NACC2: variants seen among roughly 807,000 people sequenced by gnomAD.
NACC2 encodes the protein nucleus accumbens-associated protein 2.
Under a neutral mutation model 25.1 loss-of-function variants are expected in NACC2, and 8 were observed. The observed-to-expected ratio is 0.32, with a 90% CI of 0.19 to 0.57. NACC2 has a LOEUF of 0.57. NACC2 is among the 20% of genes least tolerant of loss of function. The pLI is 0.89. For missense variants in NACC2, 644 were observed against 650.2 expected, an observed-to-expected ratio of 0.99 and a Z score of 0.10; for synonymous variants, 435 against 294.7, an observed-to-expected ratio of 1.48 and a Z score of -4.88.
At chr9:136,017,791 C>T (rs1263113551) in intron 2 of NACC2, among the ~76,000 whole-genome samples, 2 of 131,638 alleles carry the variant, frequency 1.5e-5, no homozygotes, top group African/African-American at 6.3e-5. Flanking sequence ...CCTGCCCAGT[C>T]AGCTGCCTTC....
intron 5 of NACC2, 46 bp from the exon 6 acceptor site, chr9:136,012,070 G>A: frequency 4.1e-6 from 6 of 1,467,852 alleles, no homozygotes; most frequent in Non-Finnish European, 5.4e-6. Context: ...CCTGCCGGGA[G>A]GCCCGCCCCT....
chr9:136,053,651 G>C (rs897074973), intron 1 of NACC2, among the ~76,000 whole-genome samples: 155 of 152,296 alleles, frequency 1.0e-3, no homozygotes, highest in Non-Finnish European at 1.3e-3. Flanking sequence ...ACAGCACAGA[G>C]GGCAGAGGCC....
chr9:136,031,765 A>G (rs946662835), intron 2 of NACC2, among the ~76,000 whole-genome samples: 2 of 152,240 alleles, frequency 1.3e-5, no homozygotes, highest in African/African-American at 4.8e-5. Context: ...TAAAGAAAAT[A>G]TTAGCAAATA....
intron 1 of NACC2, among the ~76,000 whole-genome samples, chr9:136,061,236 G>C (rs541284176): frequency 5.1e-4 from 78 of 152,308 alleles, no homozygotes; most frequent in African/African-American, 1.9e-3. Flanking sequence ...GACAGGCCAG[G>C]ACTCCTGACA....
Position 136,013,712 on chromosome 9 carries a change from C to T in NACC2, c.1157+152G>A. The T allele has an allele frequency of 1.5e-6, 1 of 655,220 alleles. No individual in the cohort carries two copies. The highest frequency in any genetic ancestry group is 2.6e-6 in the Non-Finnish European group (1 of 390,996). 40.6% of individuals were successfully genotyped at this position (655,220 alleles called of 1,614,324 possible). ...CTCCCTCCCTCCCTGGGAGCCTCTCCACCGTCCTGGGGCCGACCGGCCACG... is the reference window on the plus strand; with the variant it reads ...CTCCCTCCCTCCCTGGGAGCCTCTCTACCGTCCTGGGGCCGACCGGCCACG... On this transcript the variant is annotated intron_variant, in intron 4 of 5. Transcript: ENST00000277554. This position sits in a 1 kb window ranked among gnomAD's most constrained non-coding sequence, Gnocchi z 6.6.
chr9:136,029,222 A>T (rs1840438765), intron 2 of NACC2, among the ~76,000 whole-genome samples: 1 of 152,174 alleles, frequency 6.6e-6, no homozygotes. Context: ...TGAAGGCCAT[A>T]AAAACCCCAG....
At position 136,050,025 on chromosome 9, in the gene NACC2, G is replaced by C; in HGVS notation, c.497C>G (p.Pro166Arg). The change falls in exon 2 of 6, where the codon CCC (proline) becomes CGC (arginine). Residue 166 changes from proline to arginine, a missense_variant. By Grantham distance (103) the Pro-to-Arg change is moderately radical. Transcript: ENST00000277554. ...AAPYVVSPSVPIPLLTRVKHE... is the reference protein window; with the variant it reads ...AAPYVVSPSVRIPLLTRVKHE... ...CTTTACTCGGGTCAGCAGCGGGATG[G>C]GCACCGAGGGGGACACGACGTAGGG... 1 of 697,926 alleles carries C rather than the reference G, an allele frequency of 1.4e-6. No individual in the cohort carries two copies. Among genetic ancestry groups the C allele is most frequent in the Non-Finnish European group, 2.6e-6 (1 of 383,730 alleles). 43.2% of individuals were successfully genotyped at this position (697,926 alleles called of 1,614,324 possible). A position where few individuals can be genotyped will look rare whatever the true frequency, so the allele number is the denominator to read the frequency against.
intron 1 of NACC2, among the ~76,000 whole-genome samples, chr9:136,087,431 T>A (rs987972891): frequency 6.6e-6 from 1 of 152,182 alleles, no homozygotes; most frequent in Non-Finnish European, 1.5e-5. Context: ...CCTGCCCTCC[T>A]GGAGCTGGCA....
In NACC2 at chr9:136,020,801, T is replaced by TG. The variant is rs1343315215; in HGVS notation, c.887-4373dup. On this transcript the variant is annotated intron_variant, in intron 2 of 5. Coordinates refer to ENST00000277554, the MANE Select transcript of NACC2 (RefSeq NM_144653.5). The surrounding 1 kb of genome is among the most constrained non-coding windows in gnomAD (Gnocchi z 4.7). ...ACCCACAGACAGACCCACATGGCCA[T>TG]GCTCGATTGGCTTTTGACAAAGGTG... 1.3e-5 allele frequency among the ~76,000 whole-genome samples: 2 copies of TG among 152,108 alleles called. No homozygotes were observed. Among genetic ancestry groups the TG allele is most frequent in the African/African-American group, 4.8e-5 (2 of 41,408 alleles).
intron 2 of NACC2, among the ~76,000 whole-genome samples, chr9:136,045,753 C>T (rs1434533623): frequency 6.6e-6 from 1 of 152,296 alleles, no homozygotes; most frequent in South Asian, 2.1e-4. Flanking sequence ...ATGAAATAAC[C>T]GTCAGGGCCC....
At chr9:136,057,021 C>T (rs1207161354) in intron 1 of NACC2, among the ~76,000 whole-genome samples, 3 of 152,178 alleles carry the variant, frequency 2.0e-5, no homozygotes, top group Admixed American at 2.0e-4. Context: ...CCCCCAGCCC[C>T]CACCCCCAGG....
intron 2 of NACC2, among the ~76,000 whole-genome samples, chr9:136,042,340 C>G (rs1157331946): frequency 6.6e-6 from 1 of 152,158 alleles, no homozygotes; most frequent in East Asian, 1.9e-4. Context: ...AACCTGACTT[C>G]AAGAATTAAA....
At chr9:136,034,330 G>A (rs1183388459) in intron 2 of NACC2, among the ~76,000 whole-genome samples, 1 of 152,124 alleles carries the variant, frequency 6.6e-6, no homozygotes, top group African/African-American at 2.4e-5. Context: ...ATAACAAATC[G>A]TAAGAGAGTC....
intron 1 of NACC2, among the ~76,000 whole-genome samples, chr9:136,053,205 C>T (rs916471416): frequency 3.9e-5 from 6 of 152,212 alleles, no homozygotes; most frequent in Non-Finnish European, 8.8e-5. Flanking sequence ...CTGAGGCATC[C>T]GGAGACCAGA....
At chr9:136,078,904 T>C (rs2131183945) in intron 1 of NACC2, among the ~76,000 whole-genome samples, 1 of 152,284 alleles carries the variant, frequency 6.6e-6, no homozygotes, top group African/African-American at 2.4e-5. Context: ...CAAGGCAAAC[T>C]CAGGAGCACA....
intron 1 of NACC2, among the ~76,000 whole-genome samples, chr9:136,074,461 A>AG (rs1410797621): frequency 1.2e-3 from 164 of 140,850 alleles, no homozygotes; most frequent in East Asian, 5.8e-3. Flanking sequence ...TCAAAAAAAA[A>AG]AAGAAAAAAG....
intron 2 of NACC2, among the ~76,000 whole-genome samples, chr9:136,024,209 T>C (rs1464335083): frequency 9.1e-6 from 1 of 110,222 alleles, no homozygotes; most frequent in Non-Finnish European, 1.9e-5. Context: ...GAGGACAGAG[T>C]GTGTGTGTGT....
intron 2 of NACC2, among the ~76,000 whole-genome samples, chr9:136,036,165 G>A (rs1017425191): frequency 6.6e-6 from 1 of 152,202 alleles, no homozygotes; most frequent in Non-Finnish European, 1.5e-5. Flanking sequence ...ACTCTGCGAA[G>A]AAGTGGGGCA....
chr9:136,041,867 G>A (rs1201828417), intron 2 of NACC2, among the ~76,000 whole-genome samples: 2 of 152,184 alleles, frequency 1.3e-5, no homozygotes, highest in African/African-American at 4.8e-5. Flanking sequence ...TGGATTAGAA[G>A]CCTCAATATT....
Sources: allele counts gnomAD v4.1 joint callset (sites outside exome capture counted in the v4.1 genomes callset), GRCh38; gene constraint gnomAD v4.1.1; non-coding constraint Gnocchi (gnomAD v3.1); transcripts MANE v1.5; gene names NCBI Gene and HGNC (gene_info 2026-07-23, HGNC 2026-07-21).